The following DNAH14 variants were observed in gnomAD, a reference collection of about 807,000 sequenced individuals.
DNAH14 encodes the protein dynein axonemal heavy chain 14, also known as axonemal beta dynein heavy chain 14.
Under a neutral mutation model 520.9 loss-of-function variants are expected in DNAH14, and 478 were observed. The observed-to-expected ratio is 0.92, with a 90% CI of 0.85 to 0.99. DNAH14 has a LOEUF of 0.99. Among genes scored for constraint, DNAH14 ranks in the 50% least tolerant of loss-of-function variants. The pLI, the probability that DNAH14 is intolerant of heterozygous loss-of-function variation, is 0.00. For synonymous variants in DNAH14, 1,581 were observed against 1,757.2 expected (o/e 0.90, Z 2.51); for missense variants, 4,831 against 5,234.5 (o/e 0.92, Z 2.38).
chr1:225,113,247 T>C (rs567299492), intron 23 of DNAH14, among the ~76,000 whole-genome samples: 2 of 152,328 alleles, frequency 1.3e-5, no homozygotes, highest in African/African-American at 4.8e-5. Context: ...AGGTACCACC[T>C]TGGTGGCCTT....
chr1:225,351,560 A>G (rs2095366774), intron 71 of DNAH14, 87 bp from the exon 72 acceptor site: 5 of 842,394 alleles, frequency 5.9e-6, no homozygotes, highest in Non-Finnish European at 8.7e-6. Flanking sequence ...TTAACAGTAC[A>G]TCTTTGTCAA....
intron 64 of DNAH14, among the ~76,000 whole-genome samples, chr1:225,325,712 A>C (rs2094648678): frequency 6.6e-6 from 1 of 152,194 alleles, no homozygotes; most frequent in Admixed American, 6.5e-5. Flanking sequence ...AGGCAAATTC[A>C]GTCCATTGAT....
At chr1:225,015,128 G>T (rs926726558) in intron 10 of DNAH14, among the ~76,000 whole-genome samples, 2 of 151,936 alleles carry the variant, frequency 1.3e-5, no homozygotes, top group Non-Finnish European at 2.9e-5. Flanking sequence ...GCTTGATTTC[G>T]GTTTTTGTTT....
At position 225,000,200 on chromosome 1, in the gene DNAH14, T is replaced by G. The variant is rs531219273; in HGVS notation, c.831-2583T>G. ...ATAGGATTCTGGGTTGACAGTTCCT[T>G]TCTTTCAGCACTTGAAAAACATTGT... On this transcript the variant is annotated intron_variant, in intron 8 of 85. Transcript: ENST00000682510. Among the ~76,000 whole-genome samples the G allele has an allele frequency of 4.1e-4, 63 of 152,330 alleles. No individual in the cohort carries two copies. In the South Asian group the frequency reaches 0.013, roughly 31 times the overall value.
intron 18 of DNAH14, among the ~76,000 whole-genome samples, chr1:225,079,968 C>T (rs765745211): frequency 1.3e-4 from 19 of 151,998 alleles, no homozygotes; most frequent in African/African-American, 2.7e-4. Flanking sequence ...CCACCGTGAC[C>T]GGCCAATACA....
intron 12 of DNAH14, among the ~76,000 whole-genome samples, chr1:225,039,079 C>T (rs2067217972): frequency 6.6e-6 from 1 of 152,012 alleles, no homozygotes; most frequent in Admixed American, 6.6e-5. Context: ...TAGGTAGGCA[C>T]TGAAATAACA....
intron 8 of DNAH14, among the ~76,000 whole-genome samples, chr1:224,976,882 T>G (rs908226308): frequency 4.0e-5 from 6 of 151,610 alleles, no homozygotes; most frequent in African/African-American, 1.5e-4. Flanking sequence ...ACTTTTACAC[T>G]GTTGGTGGGA....
intron 1 of DNAH14, among the ~76,000 whole-genome samples, chr1:224,945,998 C>A (rs1344004950): frequency 1.3e-5 from 2 of 152,246 alleles, no homozygotes; most frequent in Non-Finnish European, 2.9e-5. Context: ...CTGGGAGAAC[C>A]ACTACTCTCT....
At chr1:225,091,918 T>C (rs1032609153) in intron 21 of DNAH14, among the ~76,000 whole-genome samples, 1 of 151,980 alleles carries the variant, frequency 6.6e-6, no homozygotes, top group Non-Finnish European at 1.5e-5. Flanking sequence ...CAGGGGTTGC[T>C]ATTCTAATTT....
intron 55 of DNAH14, 120 bp from the exon 56 acceptor site, chr1:225,300,749 A>AG (rs1215842945): frequency 1.8e-6 from 2 of 1,102,236 alleles, no homozygotes; most frequent in African/African-American, 3.2e-5. Flanking sequence ...TAAAAAAAAA[A>AG]ATCACTTAGC....
chr1:225,094,487 T>A lies in DNAH14; in HGVS notation c.3574-2631T>A, dbSNP rs1340850751. On this transcript the variant is annotated intron_variant, in intron 21 of 85. Coordinates refer to ENST00000682510, the MANE Select transcript of DNAH14 (RefSeq NM_001367479.1). The stretch of plus-strand genomic sequence containing the variant: ...ATACAAAAATCAACTAAGCATGGAT[T>A]AAAGACTTAACTGTAAAACCTAAAC... Among the ~76,000 whole-genome samples the A allele has an allele frequency of 3.3e-5, 5 of 151,866 alleles. No individual in the cohort carries two copies. In the East Asian group the frequency reaches 9.6e-4, roughly 29 times the overall value.
chr1:224,943,365 T>C (rs2059560171), intron 1 of DNAH14, among the ~76,000 whole-genome samples: 2 of 150,864 alleles, frequency 1.3e-5, no homozygotes, highest in Non-Finnish European at 2.9e-5. Flanking sequence ...TTTTATTGTG[T>C]CTATTTGATT....
intron 7 of DNAH14, among the ~76,000 whole-genome samples, chr1:224,973,081 T>C (rs1266662247): frequency 1.3e-5 from 2 of 152,212 alleles, no homozygotes; most frequent in Non-Finnish European, 2.9e-5. Flanking sequence ...TAGTAACTTA[T>C]GTGGAGTGCT....
At chr1:224,957,032 G>C (rs1238238915) in intron 3 of DNAH14, among the ~76,000 whole-genome samples, 1 of 152,148 alleles carries the variant, frequency 6.6e-6, no homozygotes, top group Non-Finnish European at 1.5e-5. Flanking sequence ...AAGGTTCTAA[G>C]CAAGGAGTTA....
intron 16 of DNAH14, among the ~76,000 whole-genome samples, chr1:225,050,974 T>C (rs2068484495): frequency 6.6e-6 from 1 of 152,168 alleles, no homozygotes; most frequent in Non-Finnish European, 1.5e-5. Context: ...CAAGCTCCTA[T>C]GAGAATCTAA....
At chr1:225,313,691 A>ATTATT (rs2094414320) in intron 60 of DNAH14, among the ~76,000 whole-genome samples, 1 of 151,998 alleles carries the variant, frequency 6.6e-6, no homozygotes, top group Admixed American at 6.6e-5. Context: ...CCTTCATTTC[A>ATTATT]TTATTTACCC....
At chr1:225,296,943 G>A (rs140592180) in intron 55 of DNAH14, among the ~76,000 whole-genome samples, 149 of 152,238 alleles carry the variant, frequency 9.8e-4, no homozygotes, top group African/African-American at 3.4e-3. Flanking sequence ...CAGTTTGACT[G>A]TAATGTTCCT....
intron 54 of DNAH14, among the ~76,000 whole-genome samples, chr1:225,287,986 A>G (rs2093786394): frequency 6.6e-6 from 1 of 152,166 alleles, no homozygotes; most frequent in South Asian, 2.1e-4. Flanking sequence ...TAAATAAATA[A>G]GTAAATGAGG....
chr1:225,153,726 T>TTTAATTTAATAA (rs2080743639), intron 33 of DNAH14, 24 bp from the exon 34 acceptor site: 12 of 1,477,722 alleles, frequency 8.1e-6, no homozygotes, highest in Non-Finnish European at 1.0e-5. Flanking sequence ...ACTTTAATAA[T>TTTAATTTAATAA]TCAAATATTT....
Sources: allele counts gnomAD v4.1 joint callset (sites outside exome capture counted in the v4.1 genomes callset), GRCh38; gene constraint gnomAD v4.1.1; transcripts MANE v1.5; gene names NCBI Gene and HGNC (gene_info 2026-07-23, HGNC 2026-07-21).